Variants in SCUBE1 observed in about 807,000 individuals in gnomAD.
The protein encoded by SCUBE1 is signal peptide, CUB and EGF-like domain-containing protein 1.
In SCUBE1, 59 loss-of-function variants were observed where a neutral mutation model predicts 124.4. That is an observed-to-expected ratio of 0.47 (90% CI 0.38 to 0.59). The LOEUF (loss-of-function observed/expected upper bound fraction) is 0.59. Among genes scored for constraint, SCUBE1 ranks in the 20% least tolerant of loss-of-function variants. The probability of loss-of-function intolerance (pLI) is 0.00; values close to 1 mark genes in which losing one functional copy is unlikely to be tolerated. For missense variants in SCUBE1, 1,150 were observed against 1,371.2 expected (o/e 0.84, Z 2.55); for synonymous variants, 545 against 550.9 (o/e 0.99, Z 0.15).
intron 16 of SCUBE1, 25 bp downstream of exon 16, chr22:43,214,065 C>T (rs757430428): frequency 7.5e-5 from 53 of 709,672 alleles, no homozygotes; most frequent in African/African-American, 5.3e-4. Flanking sequence ...CCCACCCCCA[C>T]CTCTCCTTCT....
At chr22:43,278,402 T>C (rs1300088989) in intron 4 of SCUBE1, among the ~76,000 whole-genome samples, 1 of 152,176 alleles carries the variant, frequency 6.6e-6, no homozygotes, top group Non-Finnish European at 1.5e-5. Context: ...ACCCTCTCTT[T>C]AAACAGGAAG....
chr22:43,214,746 G>T (rs1224357673), intron 15 of SCUBE1, among the ~76,000 whole-genome samples: 1 of 152,230 alleles, frequency 6.6e-6, no homozygotes, highest in Non-Finnish European at 1.5e-5. Context: ...GAGGGGCGTA[G>T]CGAGGAGATG....
At chr22:43,215,852 TG>T (rs1311345753) in intron 15 of SCUBE1, among the ~76,000 whole-genome samples, 19 of 152,008 alleles carry the variant, frequency 1.2e-4, no homozygotes, top group Admixed American at 1.2e-3. Context: ...TGGAGCTGAA[TG>T]GGGTGGGTGT....
At position 43,280,643 on chromosome 22, in the gene SCUBE1, C is replaced by T. The variant is rs555158033; in HGVS notation, c.484+10403G>A. 5.6e-3 allele frequency among the ~76,000 whole-genome samples: 842 copies of T among 150,778 alleles called. 8 individuals carry two copies. The highest frequency in any genetic ancestry group is 5.1e-3 in the Non-Finnish European group (347 of 67,686). ...TGTCACCTCCTCTCTCAGCCATGCT[C>T]CTACCAACTTCCCCTATCAGCCCTC... On this transcript the variant is annotated intron_variant, in intron 4 of 21. Transcript: ENST00000360835.
chr22:43,273,170 C>G (rs932923598), intron 4 of SCUBE1, among the ~76,000 whole-genome samples: 3 of 152,352 alleles, frequency 2.0e-5, no homozygotes, highest in African/African-American at 7.2e-5. Context: ...CAGTCACTGC[C>G]ATGCGGTTCA....
chr22:43,263,635 C>T (rs560102897), intron 4 of SCUBE1, among the ~76,000 whole-genome samples: 14 of 152,302 alleles, frequency 9.2e-5, no homozygotes, highest in Non-Finnish European at 1.2e-4. Flanking sequence ...ACTTTAAATA[C>T]GGGTATGCAG....
At chr22:43,254,504 C>T (rs1171122825) in intron 6 of SCUBE1, among the ~76,000 whole-genome samples, 2 of 152,206 alleles carry the variant, frequency 1.3e-5, no homozygotes, top group African/African-American at 4.8e-5. Flanking sequence ...GCCCTGCAAC[C>T]CTGATGTTTG....
chr22:43,338,148 G>A (rs1468394167), intron 2 of SCUBE1, among the ~76,000 whole-genome samples: 1 of 152,198 alleles, frequency 6.6e-6, no homozygotes, highest in African/African-American at 2.4e-5. Flanking sequence ...ATGGGGTGAG[G>A]ACGGCCATGC....
intron 7 of SCUBE1, 63 bp downstream of exon 7, chr22:43,238,775 C>T (rs1922875347): frequency 4.4e-6 from 6 of 1,352,474 alleles, no homozygotes; most frequent in Non-Finnish European, 6.4e-6. Flanking sequence ...GCTATGCAAG[C>T]ACACGGAGGC....
intron 20 of SCUBE1, 83 bp downstream of exon 20, chr22:43,207,989 G>A (rs1569494729): frequency 6.7e-7 from 1 of 1,483,324 alleles, no homozygotes; most frequent in East Asian, 2.3e-5. Flanking sequence ...GCTCCCTGAG[G>A]GCGGGGACGT....
intron 3 of SCUBE1, among the ~76,000 whole-genome samples, chr22:43,305,636 C>T (rs1453750349): frequency 1.3e-5 from 2 of 152,064 alleles, no homozygotes; most frequent in Non-Finnish European, 2.9e-5. Context: ...GGCCAGCTGC[C>T]AGGCCAAGGA....
intron 16 of SCUBE1, chr22:43,213,780 C>T (rs947118657): frequency 4.2e-5 from 10 of 240,610 alleles, no homozygotes; most frequent in Middle Eastern, 1.3e-3. Flanking sequence ...CCTTAGAAAC[C>T]GTAAGTTGCA....
chr22:43,269,928 C>CTGCACTCCACA (rs1440452434), intron 4 of SCUBE1, among the ~76,000 whole-genome samples: 2 of 152,166 alleles, frequency 1.3e-5, no homozygotes, highest in African/African-American at 4.8e-5. Context: ...CAGCCTCCCA[C>CTGCACTCCACA]GTTCATCAGG....
chr22:43,342,815 C>T (rs1415828049), intron 1 of SCUBE1, among the ~76,000 whole-genome samples: 1 of 151,812 alleles, frequency 6.6e-6, no homozygotes, highest in Non-Finnish European at 1.5e-5. Context: ...CCCCGCCCCG[C>T]GCCCCCTCTC....
At chr22:43,271,246 G>A (rs1924281795) in intron 4 of SCUBE1, among the ~76,000 whole-genome samples, 1 of 152,116 alleles carries the variant, frequency 6.6e-6, no homozygotes, top group Non-Finnish European at 1.5e-5. Context: ...CACACTAATT[G>A]TACCTGTTAC....
chr22:43,210,005 G>A lies in SCUBE1; in HGVS notation c.2581+38C>T. The A allele has an allele frequency of 6.4e-7, 1 of 1,556,896 alleles. No homozygotes were observed. The highest frequency in any genetic ancestry group is 8.7e-7 in the Non-Finnish European group (1 of 1,148,256). On this transcript the variant is annotated intron_variant, in intron 19 of 21. Coordinates refer to ENST00000360835, the MANE Select transcript of SCUBE1 (RefSeq NM_173050.5). This position sits in a 1 kb window ranked among gnomAD's most constrained non-coding sequence, Gnocchi z 4.5. Reference sequence around the variant, plus strand: ...GCAGCGAGACGGGGGTGCACACGCAGCTGAGGCTGCCTCTGGTCCCCTCGG... The same window carrying A: ...GCAGCGAGACGGGGGTGCACACGCAACTGAGGCTGCCTCTGGTCCCCTCGG...
intron 4 of SCUBE1, among the ~76,000 whole-genome samples, chr22:43,273,851 G>T (rs1924391108): frequency 6.6e-6 from 1 of 152,108 alleles, no homozygotes; most frequent in African/African-American, 2.4e-5. Context: ...GGGATTACAG[G>T]TGTGAGCCAC....
chr22:43,304,007 G>A (rs2269670), intron 3 of SCUBE1, among the ~76,000 whole-genome samples: 9,478 of 152,160 alleles, frequency 0.062, 589 homozygotes, highest in East Asian at 0.28. Flanking sequence ...CCATGCCCTC[G>A]TGCAGTTGTT....
chr22:43,224,774 G>A (rs1446794385), intron 10 of SCUBE1, among the ~76,000 whole-genome samples: 3 of 152,096 alleles, frequency 2.0e-5, no homozygotes, highest in East Asian at 1.9e-4. Context: ...GAACCGGAAC[G>A]TCATGCTAAG....
Sources: allele counts gnomAD v4.1 joint callset (sites outside exome capture counted in the v4.1 genomes callset), GRCh38; gene constraint gnomAD v4.1.1; non-coding constraint Gnocchi (gnomAD v3.1); transcripts MANE v1.5; gene names NCBI Gene and HGNC (gene_info 2026-07-23, HGNC 2026-07-21).